Variants in GAS2 observed in about 807,000 individuals in gnomAD.
GAS2 encodes growth arrest specific 2, also known as growth arrest-specific protein 2.
A neutral mutation model predicts 37.5 loss-of-function variants in GAS2; 20 were observed. The observed-to-expected ratio is 0.53, with a 90% CI of 0.37 to 0.77. The LOEUF is 0.77. GAS2 is among the 30% of genes least tolerant of loss of function. The pLI is 0.00. For synonymous variants in GAS2, 144 were observed against 132.2 expected (o/e 1.09, Z -0.61); for missense variants, 336 against 373.4 (o/e 0.90, Z 0.82).
chr11:22,724,843 A>G (rs1160382255), intron 3 of GAS2, among the ~76,000 whole-genome samples: 3 of 152,178 alleles, frequency 2.0e-5, no homozygotes, highest in South Asian at 4.1e-4. Flanking sequence ...TAACCACAAA[A>G]TCCCTGGAAC....
chr11:22,746,176 T>C (rs1011922099), intron 5 of GAS2, among the ~76,000 whole-genome samples: 2 of 152,054 alleles, frequency 1.3e-5, no homozygotes, highest in African/African-American at 4.8e-5. Context: ...AGCAAGATCA[T>C]GTCTCAAAAA....
intron 1 of GAS2, among the ~76,000 whole-genome samples, chr11:22,656,711 A>C (rs1359006681): frequency 6.6e-6 from 1 of 152,228 alleles, no homozygotes; most frequent in East Asian, 1.9e-4. Flanking sequence ...GGAAATAGTC[A>C]AAGGCAGGTC....
At chr11:22,641,975 C>A (rs577577595) in intron 1 of GAS2, among the ~76,000 whole-genome samples, 4 of 152,250 alleles carry the variant, frequency 2.6e-5, no homozygotes, top group African/African-American at 7.2e-5. Context: ...AAGGGAAAAG[C>A]ATTTCTTACA....
intron 7 of GAS2, among the ~76,000 whole-genome samples, chr11:22,757,095 G>T (rs1854084451): frequency 6.6e-6 from 1 of 152,046 alleles, no homozygotes; most frequent in Admixed American, 6.6e-5. Context: ...AGAGTCATTT[G>T]TTTAAACAGT....
At chr11:22,762,192 A>G (rs1320606301) in intron 7 of GAS2, among the ~76,000 whole-genome samples, 1 of 152,156 alleles carries the variant, frequency 6.6e-6, no homozygotes, top group Admixed American at 6.5e-5. Flanking sequence ...AGGAATATTT[A>G]ATTTGTTTTC....
intron 7 of GAS2, among the ~76,000 whole-genome samples, chr11:22,806,013 G>A (rs1176705868): frequency 6.6e-6 from 1 of 152,026 alleles, no homozygotes; most frequent in Non-Finnish European, 1.5e-5. Context: ...TATGAGCTGT[G>A]TCTTGTGCTG....
intron 1 of GAS2, among the ~76,000 whole-genome samples, chr11:22,637,117 A>ATTACTTATATTAATATTATATCAAT (rs1858835401): frequency 1.6e-5 from 2 of 128,492 alleles, no homozygotes; most frequent in African/African-American, 6.1e-5. Context: ...ATATTAATAT[A>ATTACTTATATTAATATTATATCAAT]ATATTACTTA....
At chr11:22,720,419 T>C (rs1851892248) in intron 3 of GAS2, among the ~76,000 whole-genome samples, 1 of 152,022 alleles carries the variant, frequency 6.6e-6, no homozygotes, top group Non-Finnish European at 1.5e-5. Flanking sequence ...TTTTTAAACA[T>C]TTCTATAATT....
At chr11:22,707,295 G>A (rs559351966) in intron 3 of GAS2, among the ~76,000 whole-genome samples, 11 of 152,234 alleles carry the variant, frequency 7.2e-5, no homozygotes, top group Non-Finnish European at 1.3e-4. Context: ...AGTACCTGAG[G>A]GTTATGAGCC....
At chr11:22,683,262 TTTTATTTA>T (rs202068238) in intron 2 of GAS2, among the ~76,000 whole-genome samples, 1 of 151,992 alleles carries the variant, frequency 6.6e-6, no homozygotes, top group African/African-American at 2.4e-5. Flanking sequence ...TCCAGTCGGA[TTTTATTTA>T]TTTATTTATT....
intron 1 of GAS2, among the ~76,000 whole-genome samples, chr11:22,653,396 G>A (rs368676565): frequency 5.3e-5 from 8 of 152,118 alleles, no homozygotes; most frequent in Non-Finnish European, 8.8e-5. Context: ...GGCACCTAGC[G>A]CAGTGACTAG....
At chr11:22,790,817 A>G (rs962230902) in intron 7 of GAS2, among the ~76,000 whole-genome samples, 1 of 151,932 alleles carries the variant, frequency 6.6e-6, no homozygotes, top group Admixed American at 6.6e-5. Flanking sequence ...AAGATATATT[A>G]TTAAATATAG....
intron 1 of GAS2, among the ~76,000 whole-genome samples, chr11:22,661,265 T>A (rs992413262): frequency 1.3e-5 from 2 of 152,352 alleles, no homozygotes; most frequent in African/African-American, 4.8e-5. Flanking sequence ...TCTTGCTGAA[T>A]CCCGTCTATC....
At chr11:22,662,840 G>A (rs1848929843), upstream of GAS2, among the ~76,000 whole-genome samples, 1 of 151,912 alleles carries the variant, frequency 6.6e-6, no homozygotes, top group African/African-American at 2.4e-5. Context: ...GCAACATAGT[G>A]GGACTGTGTC....
At chr11:22,785,916 A>C (rs1855799183) in intron 7 of GAS2, among the ~76,000 whole-genome samples, 1 of 152,132 alleles carries the variant, frequency 6.6e-6, no homozygotes, top group African/African-American at 2.4e-5. Flanking sequence ...GATGCTATGG[A>C]CTGTGAGTAA....
chr11:22,712,481 C>G (rs908186327), intron 3 of GAS2, among the ~76,000 whole-genome samples: 1 of 152,138 alleles, frequency 6.6e-6, no homozygotes, highest in African/African-American at 2.4e-5. Flanking sequence ...CTCAGGAAGC[C>G]CTATTCCTAG....
At chr11:22,633,527 A>C (rs1233525753) in intron 1 of GAS2, among the ~76,000 whole-genome samples, 1 of 152,160 alleles carries the variant, frequency 6.6e-6, no homozygotes, top group Non-Finnish European at 1.5e-5. Context: ...TATTTTATTC[A>C]CTGGGTTGAA....
intron 5 of GAS2, 123 bp downstream of exon 5, chr11:22,737,891 A>G (rs1341719343): frequency 8.4e-6 from 7 of 838,120 alleles, no homozygotes; most frequent in Non-Finnish European, 1.4e-5. Flanking sequence ...CTCATTCACG[A>G]TGATAATATG....
intron 2 of GAS2, among the ~76,000 whole-genome samples, chr11:22,679,638 AT>A (rs1849584429): frequency 1.3e-5 from 2 of 152,078 alleles, no homozygotes; most frequent in Admixed American, 1.3e-4. Flanking sequence ...TTTCACATGT[AT>A]TTTTAATTTA....
Sources: gnomAD v4.1 joint callset for allele counts (sites outside exome capture counted in the v4.1 genomes callset) on GRCh38, gnomAD v4.1.1 for gene constraint, MANE v1.5 for transcripts, NCBI Gene and HGNC (gene_info 2026-07-23, HGNC 2026-07-21) for gene names.